Variants in NBAS observed in about 807,000 individuals in gnomAD.
The protein encoded by NBAS is NAG/BC035112 fusion.
In NBAS, 219 loss-of-function variants were observed where a neutral mutation model predicts 302.5. The ratio of observed to expected loss-of-function variants is 0.72; its 90% CI spans 0.65 to 0.81. The LOEUF is 0.81. NBAS is among the 30% of genes least tolerant of loss of function. NBAS has a pLI of 0.00. For synonymous variants in NBAS, 1,118 were observed against 1,021.6 expected (o/e 1.09, Z -1.80); for missense variants, 2,932 against 2,841.6 (o/e 1.03, Z -0.72).
chr2:15,095,991 C>A, the NBAS span, among the ~76,000 whole-genome samples: 1 of 152,208 alleles, frequency 6.6e-6, no homozygotes, highest in African/African-American at 2.4e-5. Context: ...CCACCCCCAG[C>A]CCAGGCGCAA....
chr2:15,012,544 A>C, the NBAS span, among the ~76,000 whole-genome samples: 2 of 152,194 alleles, frequency 1.3e-5, no homozygotes, highest in African/African-American at 4.8e-5. Flanking sequence ...ATCCAGATCT[A>C]GAAAGCTCAA....
chr2:15,162,074 T>C (rs576377062), downstream of NBAS, among the ~76,000 whole-genome samples: 1 of 152,274 alleles, frequency 6.6e-6, no homozygotes, highest in Admixed American at 6.5e-5. Context: ...CAGAGAGGTG[T>C]GGACAGAAAA....
chr2:15,482,083 T>C (rs1019730280), intron 12 of NBAS, among the ~76,000 whole-genome samples: 1 of 152,172 alleles, frequency 6.6e-6, no homozygotes, highest in Admixed American at 6.5e-5. Flanking sequence ...TACAAGGCTG[T>C]CCATTCTTCA....
intron 16 of NBAS, among the ~76,000 whole-genome samples, chr2:15,472,699 A>G (rs1680012510): frequency 6.6e-6 from 1 of 152,038 alleles, no homozygotes; most frequent in South Asian, 2.1e-4. Context: ...CTTCCATCCT[A>G]CATGCTGCAA....
intron 51 of NBAS, among the ~76,000 whole-genome samples, chr2:15,169,132 T>C (rs1013028579): frequency 5.9e-5 from 9 of 152,148 alleles, no homozygotes; most frequent in African/African-American, 1.9e-4. Flanking sequence ...AGAGACTGAA[T>C]AGAACTAGAC....
intron 35 of NBAS, among the ~76,000 whole-genome samples, chr2:15,337,839 A>G (rs181214638): frequency 6.6e-6 from 1 of 152,356 alleles, no homozygotes; most frequent in African/African-American, 2.4e-5. Flanking sequence ...TGGAGAAAGA[A>G]AAAAGAGGTT....
the NBAS span, among the ~76,000 whole-genome samples, chr2:15,098,313 G>GTATATAA: frequency 0.06 from 97 of 1,622 alleles, 35 homozygotes; most frequent in African/African-American, 0.15. Flanking sequence ...ATAATATATT[G>GTATATAA]TATATCATAT....
At chr2:15,091,450 G>A in the NBAS span, among the ~76,000 whole-genome samples, 13,279 of 152,046 alleles carry the variant, frequency 0.087, 1,875 homozygotes, top group African/African-American at 0.3. Flanking sequence ...CCTAATGAAT[G>A]GGAAATATAT....
the NBAS span, among the ~76,000 whole-genome samples, chr2:15,005,984 C>A: frequency 3.3e-5 from 5 of 152,192 alleles, no homozygotes; most frequent in East Asian, 7.7e-4. Context: ...GTAAGGGAGA[C>A]CAGTTTGAAG....
chr2:15,450,316 T>C (rs1405025319), intron 21 of NBAS, among the ~76,000 whole-genome samples: 3 of 152,198 alleles, frequency 2.0e-5, no homozygotes, highest in Admixed American at 1.3e-4. Flanking sequence ...ACTCAGTATG[T>C]GAAATACTTT....
chr2:15,090,523 A>G, the NBAS span, among the ~76,000 whole-genome samples: 2 of 152,190 alleles, frequency 1.3e-5, no homozygotes, highest in Non-Finnish European at 2.9e-5. Flanking sequence ...CTTTACATTT[A>G]CCCCCAAACC....
chr2:15,027,750 T>G, the NBAS span, among the ~76,000 whole-genome samples: 1 of 152,358 alleles, frequency 6.6e-6, no homozygotes, highest in South Asian at 2.1e-4. Context: ...CGTTTACCAC[T>G]GATTTTTAGT....
the NBAS span, among the ~76,000 whole-genome samples, chr2:15,036,973 G>T: frequency 6.6e-6 from 1 of 152,166 alleles, no homozygotes; most frequent in Non-Finnish European, 1.5e-5. Context: ...ACTTGACTGG[G>T]ACCTTGGATA....
At chr2:15,408,571 G>A (rs952780385) in intron 25 of NBAS, among the ~76,000 whole-genome samples, 3 of 152,102 alleles carry the variant, frequency 2.0e-5, no homozygotes, top group Admixed American at 6.5e-5. Context: ...GTCTGTAAAT[G>A]ATAAACTCTC....
downstream of NBAS, among the ~76,000 whole-genome samples, chr2:15,162,132 G>C (rs1663913673): frequency 1.3e-5 from 2 of 151,738 alleles, no homozygotes. Flanking sequence ...GTATTAGCCA[G>C]GCCAGCTCTC....
At chr2:14,825,150 T>C in the NBAS span, among the ~76,000 whole-genome samples, 1 of 152,158 alleles carries the variant, frequency 6.6e-6, no homozygotes, top group Non-Finnish European at 1.5e-5. Flanking sequence ...TCTTTGCTGA[T>C]TCTGCCACCT....
the NBAS span, among the ~76,000 whole-genome samples, chr2:15,001,950 G>C: frequency 0.014 from 2,137 of 152,184 alleles, 42 homozygotes; most frequent in African/African-American, 0.04. Flanking sequence ...CTGCTGGCTC[G>C]GGCAGCCTGC....
At chr2:15,075,418 A>G in the NBAS span, among the ~76,000 whole-genome samples, 2 of 152,178 alleles carry the variant, frequency 1.3e-5, no homozygotes, top group Non-Finnish European at 2.9e-5. Flanking sequence ...AAAGTGAAGG[A>G]AAGAGATCCA....
chr2:15,333,937 A>G (rs1672465335), intron 35 of NBAS, among the ~76,000 whole-genome samples: 1 of 152,034 alleles, frequency 6.6e-6, no homozygotes, highest in Non-Finnish European at 1.5e-5. Context: ...TACATTATTT[A>G]CCAGCAGTAA....
Sources: allele counts gnomAD v4.1 joint callset (sites outside exome capture counted in the v4.1 genomes callset), GRCh38; gene constraint gnomAD v4.1.1; transcripts MANE v1.5; gene names NCBI Gene and HGNC (gene_info 2026-07-23, HGNC 2026-07-21).